Variants in PIWIL2 observed in about 807,000 individuals in gnomAD.
PIWIL2 encodes the protein piwi-like protein 2.
A neutral mutation model predicts 116.5 loss-of-function variants in PIWIL2; 81 were observed. That is an observed-to-expected ratio of 0.70 (90% CI 0.58 to 0.84). The LOEUF is 0.84. Among genes scored for constraint, PIWIL2 ranks in the 40% least tolerant of loss-of-function variants. The pLI is 0.00. For synonymous variants in PIWIL2, 489 were observed against 429.5 expected, an observed-to-expected ratio of 1.14 and a Z score of -1.71; for missense variants, 1,272 against 1,212.3, an observed-to-expected ratio of 1.05 and a Z score of -0.73.
intron 6 of PIWIL2, 47 bp from the exon 7 acceptor site, chr8:22,287,481 T>C: frequency 8.5e-7 from 1 of 1,171,888 alleles, no homozygotes; most frequent in Non-Finnish European, 1.3e-6. Context: ...TGGTAAAGAT[T>C]GCAGTTTGAG....
intron 10 of PIWIL2, among the ~76,000 whole-genome samples, chr8:22,300,590 G>T (rs1261739108): frequency 6.6e-6 from 1 of 152,212 alleles, no homozygotes; most frequent in Non-Finnish European, 1.5e-5. Flanking sequence ...CTTTCCCAAA[G>T]TGTCTGTACT....
Position 22,353,096 on chromosome 8 carries a change from G to C in PIWIL2, c.2541G>C (p.Met847Ile). 1 of 1,614,160 alleles carries C rather than the reference G, an allele frequency of 6.2e-7. No individual in the cohort carries two copies. The highest frequency in any genetic ancestry group is 8.5e-7 in the Non-Finnish European group (1 of 1,180,008). Residue 847 changes from methionine (M) to isoleucine (I), a missense_variant, in exon 21 of 23, where the codon ATG (methionine) becomes ATC (isoleucine). Met to Ile is a conservative substitution (Grantham distance 10, BLOSUM62 1). Coordinates refer to ENST00000356766, the MANE Select transcript of PIWIL2 (RefSeq NM_018068.5). ...CTTTTGAGAATTATCAGCCCAAGAT[G>C]GTGGTGTTTGTAGTTCAGAAGAAAA... The part of the protein sequence containing the change: ...FEAFENYQPK[M>I]VVFVVQKKIS...
rs555660098 is a variant in PIWIL2, at chr8:22,308,390, C to T, written c.1686+317C>T. Among the ~76,000 whole-genome samples, 9 of 152,156 alleles carry T rather than the reference C, an allele frequency of 5.9e-5. No homozygotes were observed. In the South Asian group the frequency reaches 8.3e-4, roughly 14 times the overall value. ...GATGCAGGGCAGGCGTGGTGGCTCACGCCTGTAATCCCAGCACTTTGGGAG... is the reference window on the plus strand; with the variant it reads ...GATGCAGGGCAGGCGTGGTGGCTCATGCCTGTAATCCCAGCACTTTGGGAG... On this transcript the variant is annotated intron_variant, in intron 14 of 22. Transcript: ENST00000356766.
At chr8:22,277,651 A>G (rs1830408313) in intron 1 of PIWIL2, among the ~76,000 whole-genome samples, 3 of 151,390 alleles carry the variant, frequency 2.0e-5, no homozygotes, top group South Asian at 4.3e-4. Context: ...GATTACAGGC[A>G]TGAACCACTG....
At chr8:22,337,721 A>C (rs1183934160) in intron 20 of PIWIL2, among the ~76,000 whole-genome samples, 6 of 151,654 alleles carry the variant, frequency 4.0e-5, no homozygotes, top group Non-Finnish European at 4.4e-5. Flanking sequence ...TAAGAGCAAA[A>C]CTCTGTCTCA....
At chr8:22,282,969 G>T in intron 4 of PIWIL2, 65 bp from the exon 5 acceptor site, 1 of 1,220,790 alleles carries the variant, frequency 8.2e-7, no homozygotes, top group South Asian at 1.2e-5. Flanking sequence ...GGAGTTGGGG[G>T]AATAATCTGG....
intron 20 of PIWIL2, among the ~76,000 whole-genome samples, chr8:22,336,411 A>G (rs1275553446): frequency 6.6e-6 from 1 of 152,218 alleles, no homozygotes; most frequent in Non-Finnish European, 1.5e-5. Flanking sequence ...AAAGGAAATT[A>G]GGAAATACTT....
chr8:22,292,400 G>A (rs1373131008), intron 10 of PIWIL2, among the ~76,000 whole-genome samples: 1 of 152,228 alleles, frequency 6.6e-6, no homozygotes, highest in Non-Finnish European at 1.5e-5. Flanking sequence ...TAGCGATGGA[G>A]GTGGTAAGGA....
chr8:22,283,149 C>G lies in PIWIL2; in HGVS notation c.541C>G (p.Pro181Ala). ...PCTFSTPSRG[P>A]PQLSSPPALP... ...TACCTTCAGCACACCGTCCCGGGGT[C>G]CCCCGCAGCTGTCATCACCACCAGC... The change falls in exon 5 of 23, where the codon CCC becomes GCC. Residue 181 changes from proline to alanine, a missense_variant. Transcript: ENST00000356766. 3 of 1,614,146 alleles carry G rather than the reference C, an allele frequency of 1.9e-6. No homozygotes were observed. Among genetic ancestry groups the G allele is most frequent in the Non-Finnish European group, 2.5e-6 (3 of 1,180,012 alleles).
Position 22,334,607 on chromosome 8 carries a change from C to T in PIWIL2, c.2403+16332C>T, listed in dbSNP as rs183383511. Among the ~76,000 whole-genome samples the T allele has an allele frequency of 1.6e-3, 236 of 151,784 alleles. 1 individual carries two copies. Among genetic ancestry groups the T allele is most frequent in the Middle Eastern group, 3.4e-3 (1 of 290 alleles). On this transcript the variant is annotated intron_variant, in intron 20 of 22. Transcript: ENST00000356766. Reference sequence around the variant, plus strand: ...AATACTAATGTATTTTTAGTAGAGACGGGGTTTCTCCATGTTGGTCAGGCT... The same window carrying T: ...AATACTAATGTATTTTTAGTAGAGATGGGGTTTCTCCATGTTGGTCAGGCT...
At chr8:22,317,140 TC>T (rs1339302500) in intron 19 of PIWIL2, among the ~76,000 whole-genome samples, 1 of 152,192 alleles carries the variant, frequency 6.6e-6, no homozygotes, top group African/African-American at 2.4e-5. Context: ...AAGAGCGACC[TC>T]CTCCAAGGCT....
intron 10 of PIWIL2, among the ~76,000 whole-genome samples, chr8:22,301,967 A>T (rs1262191413): frequency 6.6e-6 from 1 of 152,096 alleles, no homozygotes; most frequent in Non-Finnish European, 1.5e-5. Context: ...TTAAGGCACA[A>T]ATGTCCCTCT....
At chr8:22,353,303 A>T (rs904303911) in intron 21 of PIWIL2, 91 bp downstream of exon 21, 3 of 1,125,790 alleles carry the variant, frequency 2.7e-6, no homozygotes, top group East Asian at 4.7e-5. Flanking sequence ...TTTCCTGGAG[A>T]GTTGTGGACT....
intron 20 of PIWIL2, among the ~76,000 whole-genome samples, chr8:22,328,183 C>A (rs138938533): frequency 6.6e-6 from 1 of 152,210 alleles, no homozygotes; most frequent in East Asian, 1.9e-4. Flanking sequence ...TAGCACCATT[C>A]GTTGAGAGAA....
Position 22,279,340 on chromosome 8 carries a change from G to A in PIWIL2, c.-46-1G>A. ...TCTTAATCTTTTGAAAATGATGGCA[G>A]GTAATTAACCAGAACAGGATCGACA... On this transcript the variant is annotated splice_acceptor_variant, in intron 1 of 22. Coordinates refer to ENST00000356766, the MANE Select transcript of PIWIL2 (RefSeq NM_018068.5). LOFTEE classifies it low-confidence loss of function (5UTR_SPLICE). The A allele has an allele frequency of 1.4e-6, 2 of 1,392,718 alleles. No homozygotes were observed. The highest frequency in any genetic ancestry group is 2.0e-6 in the Non-Finnish European group (2 of 979,018). 86.3% of individuals were successfully genotyped at this position (1,392,718 alleles called of 1,614,324 possible).
intron 20 of PIWIL2, among the ~76,000 whole-genome samples, chr8:22,327,069 C>G (rs1454209758): frequency 1.4e-5 from 2 of 146,256 alleles, no homozygotes; most frequent in Non-Finnish European, 3.0e-5. Context: ...GCTCTCTCAC[C>G]CAGGCTGGCG....
chr8:22,292,560 C>T (rs1030693796), intron 10 of PIWIL2, among the ~76,000 whole-genome samples: 5 of 152,204 alleles, frequency 3.3e-5, no homozygotes, highest in African/African-American at 1.2e-4. Flanking sequence ...TGGCAGAGGC[C>T]GTGTCTTTTT....
At position 22,304,869 on chromosome 8, in the gene PIWIL2, G is replaced by A. The variant is rs1308724587; in HGVS notation, c.1455+1G>A. ...TGAGAGACAGGATAATCATGGGATG[G>A]TGAGTAGGGCTGTCAGGCTTACAAT... is the stretch of plus-strand genomic sequence containing the variant. On this transcript the variant is annotated splice_donor_variant, in intron 12 of 22. Coordinates refer to ENST00000356766, the MANE Select transcript of PIWIL2 (RefSeq NM_018068.5). LOFTEE classifies it high-confidence loss of function. 1 of 1,584,276 alleles carries A rather than the reference G, an allele frequency of 6.3e-7. No homozygotes were observed. Among genetic ancestry groups the A allele is most frequent in the Non-Finnish European group, 8.7e-7 (1 of 1,153,006 alleles).
Position 22,283,067 on chromosome 8 carries a change from A to T in PIWIL2, c.459A>T (p.Leu153Phe). The T allele has an allele frequency of 6.2e-7, 1 of 1,614,148 alleles. No individual in the cohort carries two copies. The highest frequency in any genetic ancestry group is 8.5e-7 in the Non-Finnish European group (1 of 1,180,008). Residue 153 changes from leucine to phenylalanine, a missense_variant, in exon 5 of 23, where the codon TTA becomes TTT. Coordinates refer to ENST00000356766, the MANE Select transcript of PIWIL2 (RefSeq NM_018068.5). Reference sequence around the variant, plus strand: ...GAAGAGGGAGTTCAGATGCGTCTTTATTACCACTGGGAAGAGCAGCAGGTG... The same window carrying T: ...GAAGAGGGAGTTCAGATGCGTCTTTTTTACCACTGGGAAGAGCAGCAGGTG... ...TLGRGSSDAS[L>F]LPLGRAAGGI...
Sources: gnomAD v4.1 joint callset for allele counts (sites outside exome capture counted in the v4.1 genomes callset) on GRCh38, gnomAD v4.1.1 for gene constraint, MANE v1.5 for transcripts, NCBI Gene and HGNC (gene_info 2026-07-23, HGNC 2026-07-21) for gene names.